Variants in COG6 observed in about 807,000 individuals in gnomAD.
COG6 encodes component of oligomeric golgi complex 6.
In COG6, 74 loss-of-function variants were observed where a neutral mutation model predicts 88.8. The observed-to-expected ratio is 0.83, with a 90% CI of 0.69 to 1.01. The LOEUF (loss-of-function observed/expected upper bound fraction) is 1.01. COG6 is among the 50% of genes least tolerant of loss of function. The pLI, the probability that COG6 is intolerant of heterozygous loss-of-function variation, is 0.00. For synonymous variants in COG6, 286 were observed against 278.7 expected (o/e 1.03, Z -0.26); for missense variants, 800 against 797.9 (o/e 1.00, Z -0.03).
intron 18 of COG6, among the ~76,000 whole-genome samples, chr13:39,758,049 G>A (rs1166726182): frequency 2.0e-5 from 3 of 151,524 alleles, no homozygotes; most frequent in Non-Finnish European, 4.4e-5. Context: ...GTGAAACCCC[G>A]TCTCTACTAA....
chr13:39,771,439 C>T (rs2138177293), intron 18 of COG6, among the ~76,000 whole-genome samples: 1 of 152,274 alleles, frequency 6.6e-6, no homozygotes, highest in Admixed American at 6.5e-5. Context: ...CAGCGCTCCC[C>T]AGGGAGACCC....
At chr13:39,657,244 T>A (rs1279756282) in intron 1 of COG6, among the ~76,000 whole-genome samples, 4 of 152,232 alleles carry the variant, frequency 2.6e-5, no homozygotes, top group African/African-American at 7.2e-5. Flanking sequence ...TTGGTCAGGC[T>A]GGTCTTGAAC....
intron 7 of COG6, among the ~76,000 whole-genome samples, chr13:39,680,846 C>A (rs532396469): frequency 6.6e-6 from 1 of 152,264 alleles, no homozygotes. Flanking sequence ...CAGCCACTTC[C>A]ATTGTGAGGC....
chr13:39,701,350 G>A (rs2138036789), intron 13 of COG6, among the ~76,000 whole-genome samples: 1 of 151,932 alleles, frequency 6.6e-6, no homozygotes, highest in Admixed American at 6.6e-5. Flanking sequence ...TCTGGAATTG[G>A]TCTAATCTAA....
chr13:39,737,833 C>T (rs916040078), intron 18 of COG6, among the ~76,000 whole-genome samples: 19 of 152,032 alleles, frequency 1.2e-4, no homozygotes, highest in African/African-American at 2.7e-4. Flanking sequence ...TGGTTCTGAC[C>T]GCTGGGATGG....
Position 39,751,993 on chromosome 13 carries a change from A to T in COG6, c.*900A>T, listed in dbSNP as rs1035934719. The T allele has an allele frequency of 8.0e-7, 1 of 1,246,062 alleles. No individual in the cohort carries two copies. The highest frequency in any genetic ancestry group is 1.1e-6 in the Non-Finnish European group (1 of 951,238). The allele number at this position is 1,246,062 out of a possible 1,614,324, so 77.2% of individuals were successfully genotyped here. The stretch of plus-strand genomic sequence containing the variant: ...GATCTACTCAAACATTGGAGAAAAA[A>T]ACTGCCAGAGGAGGAGTTGCCAATT... On this transcript the variant is annotated 3_prime_UTR_variant, in exon 19 of 19. Transcript: ENST00000455146.
intron 18 of COG6, among the ~76,000 whole-genome samples, chr13:39,768,312 G>C (rs535791985): frequency 6.6e-6 from 1 of 152,316 alleles, no homozygotes; most frequent in East Asian, 1.9e-4. Flanking sequence ...GCTGAACCCG[G>C]AACACTGCCA....
rs773496019 is a variant in COG6, at chr13:39,751,181, TG to T, written c.*89del. ...TTCTTTGAATTTTTACTCTATAATT[TG>T]ATAGTTACAGTTTTCTTTGTATCAT... On this transcript the variant is annotated 3_prime_UTR_variant, in exon 19 of 19. Coordinates refer to ENST00000455146, the MANE Select transcript of COG6 (RefSeq NM_020751.3). The T allele has an allele frequency of 2.4e-5, 37 of 1,554,196 alleles. No homozygotes were observed. The highest frequency in any genetic ancestry group is 1.8e-4 in the Middle Eastern group (1 of 5,628).
intron 18 of COG6, among the ~76,000 whole-genome samples, chr13:39,733,980 C>A (rs9576892): frequency 6.6e-6 from 1 of 151,850 alleles, no homozygotes; most frequent in Admixed American, 6.6e-5. Flanking sequence ...TCTCCTTTTT[C>A]ATCTCTGATT....
At chr13:39,709,908 G>GA (rs1246224329) in intron 13 of COG6, among the ~76,000 whole-genome samples, 1 of 152,196 alleles carries the variant, frequency 6.6e-6, no homozygotes, top group Non-Finnish European at 1.5e-5. Context: ...CAGTGAAGTG[G>GA]AAATGGTCAT....
intron 8 of COG6, 122 bp from the exon 9 acceptor site, chr13:39,687,381 G>T: frequency 1.2e-6 from 1 of 851,322 alleles, no homozygotes; most frequent in Non-Finnish European, 2.0e-6. Flanking sequence ...TTGCTTGACC[G>T]AATATCTAAA....
At chr13:39,787,099 C>T (rs1881796250) in intron 18 of COG6, among the ~76,000 whole-genome samples, 1 of 152,074 alleles carries the variant, frequency 6.6e-6, no homozygotes, top group Admixed American at 6.6e-5. Flanking sequence ...GGAAATGTCC[C>T]TCTTCATTGT....
At chr13:39,665,785 C>G (rs991192432) in intron 4 of COG6, among the ~76,000 whole-genome samples, 3 of 152,150 alleles carry the variant, frequency 2.0e-5, no homozygotes, top group African/African-American at 4.8e-5. Context: ...TAGTTGGGTA[C>G]ATCACTTAAA....
intron 18 of COG6, among the ~76,000 whole-genome samples, chr13:39,742,647 T>A (rs1414704977): frequency 1.3e-5 from 2 of 151,952 alleles, no homozygotes; most frequent in African/African-American, 2.4e-5. Context: ...TCCCACACAA[T>A]AATAATGGGA....
chr13:39,711,568 T>C (rs1452352287), intron 13 of COG6, among the ~76,000 whole-genome samples: 2 of 152,146 alleles, frequency 1.3e-5, no homozygotes, highest in African/African-American at 4.8e-5. Context: ...AGTTTCCTCA[T>C]ATATAAAATT....
In COG6 at chr13:39,719,350, C is replaced by G; in HGVS notation, c.1399C>G (p.Gln467Glu). 6.2e-7 allele frequency: 1 copy of G among 1,612,416 alleles called. No individual in the cohort carries two copies. Among genetic ancestry groups the G allele is most frequent in the Non-Finnish European group, 8.5e-7 (1 of 1,179,002 alleles). The change falls in exon 14 of 19, where the codon CAA becomes GAA. Residue 467 changes from glutamine (Q) to glutamate (E), a missense_variant. Physicochemically the swap from Gln to Glu is conservative, Grantham distance 29. Transcript: ENST00000455146. ...TTCAGTTGTACCATTAGATGCTCGT[C>G]AAGCTGATTTTGTGCAGGTATGTTA... The part of the protein sequence containing the change: ...DSSVVPLDAR[Q>E]ADFVQVLSCV...
chr13:39,750,901 AT>A (rs769096513), intron 18 of COG6, 44 bp from the exon 19 acceptor site: 68 of 1,473,396 alleles, frequency 4.6e-5, no homozygotes, highest in Non-Finnish European at 4.6e-5. Flanking sequence ...TAGTAAATAT[AT>A]TTTTTTCAAA....
At chr13:39,720,537 C>T (rs1878796793) in intron 15 of COG6, among the ~76,000 whole-genome samples, 1 of 151,990 alleles carries the variant, frequency 6.6e-6, no homozygotes, top group Non-Finnish European at 1.5e-5. Flanking sequence ...TTCATATTTT[C>T]TAATTTTTAA....
intron 18 of COG6, among the ~76,000 whole-genome samples, chr13:39,781,519 G>A (rs1881631060): frequency 6.6e-6 from 1 of 150,754 alleles, no homozygotes; most frequent in Non-Finnish European, 1.5e-5. Flanking sequence ...GGCTGTGATC[G>A]CTGAATAACC....
Sources: allele counts gnomAD v4.1 joint callset (sites outside exome capture counted in the v4.1 genomes callset), GRCh38; gene constraint gnomAD v4.1.1; transcripts MANE v1.5; gene names NCBI Gene and HGNC (gene_info 2026-07-23, HGNC 2026-07-21).